Variants in ADAT1 observed in about 807,000 individuals in gnomAD.
ADAT1 encodes the protein adenosine deaminase tRNA specific 1, also known as tRNA-specific adenosine deaminase 1.
Under a neutral mutation model 58.6 loss-of-function variants are expected in ADAT1, and 58 were observed. The observed-to-expected ratio is 0.99, with a 90% CI of 0.80 to 1.23. ADAT1 has a LOEUF of 1.23. Ranked by LOEUF, ADAT1 falls within the 50% of genes most tolerant of loss-of-function variation. The pLI, the probability that ADAT1 is intolerant of heterozygous loss-of-function variation, is 0.00. For missense variants in ADAT1, 741 were observed against 608.6 expected (o/e 1.22, Z -2.29); for synonymous variants, 254 against 220.8 (o/e 1.15, Z -1.33).
chr16:75,613,652 C>A (rs994695396), intron 5 of ADAT1, among the ~76,000 whole-genome samples: 2 of 152,134 alleles, frequency 1.3e-5, no homozygotes, highest in African/African-American at 4.8e-5. Flanking sequence ...GCTGTGGCGG[C>A]TGTCCTGTAC....
At chr16:75,601,536 C>G (rs1220327806) in intron 9 of ADAT1, among the ~76,000 whole-genome samples, 1 of 151,964 alleles carries the variant, frequency 6.6e-6, no homozygotes, top group Non-Finnish European at 1.5e-5. Context: ...GCAGGTGGAT[C>G]GCCCGAGGTC....
At chr16:75,603,667 A>C (rs1469467171) in intron 8 of ADAT1, among the ~76,000 whole-genome samples, 1 of 152,120 alleles carries the variant, frequency 6.6e-6, no homozygotes, top group Admixed American at 6.6e-5. Flanking sequence ...CTAAACAACA[A>C]AATTCTGGGT....
At chr16:75,602,742 A>G (rs977915268) in intron 9 of ADAT1, among the ~76,000 whole-genome samples, 16 of 152,212 alleles carry the variant, frequency 1.1e-4, no homozygotes, top group African/African-American at 3.9e-4. Context: ...TTCAAAAGGA[A>G]AAGAGGAGTA....
At chr16:75,604,454 AAAATATATAT>A (rs1422346015) in intron 8 of ADAT1, among the ~76,000 whole-genome samples, 12 of 71,334 alleles carry the variant, frequency 1.7e-4, no homozygotes, top group South Asian at 6.5e-4. Context: ...AAAAAAAAAA[AAAATATATAT>A]ATATATATAT....
rs1287502147 is a variant in ADAT1 at position 75,622,801 on chromosome 16, A to C, written c.-420T>G. 1 of 152,210 alleles carries C rather than the reference A, an allele frequency of 6.6e-6. No individual in the cohort carries two copies. The highest frequency in any genetic ancestry group is 2.4e-5 in the African/African-American group (1 of 41,458). 9.4% of individuals were successfully genotyped at this position (152,210 alleles called of 1,614,324 possible). On this transcript the variant is annotated 5_prime_UTR_variant, in exon 1 of 10. Transcript: ENST00000564657. ...AGCTAAAAAAACTGACGTCCTTTCC[A>C]AAGAAAAGGAAGTCGGCTGCCAGGG...
intron 8 of ADAT1, 32 bp downstream of exon 8, chr16:75,608,191 GC>G (rs1454149160): frequency 6.4e-7 from 1 of 1,565,080 alleles, no homozygotes; most frequent in African/African-American, 1.4e-5. Flanking sequence ...TGAGTTCACA[GC>G]CACCATCTCC....
Position 75,608,956 on chromosome 16 carries a change from A to G in ADAT1, c.1076T>C (p.Phe359Ser), listed in dbSNP as rs373606939. 9.3e-6 allele frequency: 15 copies of G among 1,614,094 alleles called. No individual in the cohort carries two copies. The highest frequency in any genetic ancestry group is 1.3e-5 in the Non-Finnish European group (15 of 1,180,044). The change falls in exon 7 of 10, where the codon TTC (phenylalanine) becomes TCC (serine). Residue 359 changes from phenylalanine to serine, a missense_variant. Phe to Ser is a radical substitution (Grantham distance 155). Coordinates refer to ENST00000564657, the MANE Select transcript of ADAT1 (RefSeq NM_001324445.2). ...CAGTATTTTTAATTCTTGAACTCCG[A>G]AGCCTTTTGGTAAAGCAGACACATT... ...CQNVSALPKG[F>S]GVQELKILQS...
intron 8 of ADAT1, among the ~76,000 whole-genome samples, chr16:75,607,559 C>T (rs924503118): frequency 1.3e-5 from 2 of 148,922 alleles, no homozygotes; most frequent in Admixed American, 6.7e-5. Flanking sequence ...AGAATGACTA[C>T]AATAAAAAAG....
chr16:75,602,988 T>C, intron 9 of ADAT1, 97 bp downstream of exon 9: 2 of 1,107,408 alleles, frequency 1.8e-6, no homozygotes, highest in Non-Finnish European at 2.7e-6. Flanking sequence ...ACTGGCTTGC[T>C]GAACCACCAC....
In ADAT1 at chr16:75,618,642, T is replaced by C. The variant is rs750506421; in HGVS notation, c.239-2A>G. On this transcript the variant is annotated splice_acceptor_variant, in intron 3 of 9. Coordinates refer to ENST00000564657, the MANE Select transcript of ADAT1 (RefSeq NM_001324445.2). LOFTEE classifies it high-confidence loss of function. ...CATGGCTATCATTGAGGATGTCTCCTGCGGCAAAGATAGGACACCAGGTGA... is the reference window on the plus strand; with the variant it reads ...CATGGCTATCATTGAGGATGTCTCCCGCGGCAAAGATAGGACACCAGGTGA... 2.5e-6 allele frequency: 4 copies of C among 1,612,906 alleles called. No homozygotes were observed. The South Asian group carries it at 4.4e-5, about 18-fold the overall frequency.
At chr16:75,617,363 G>A (rs2081768141) in intron 4 of ADAT1, 91 bp from the exon 5 acceptor site, 1 of 1,391,970 alleles carries the variant, frequency 7.2e-7, no homozygotes, top group Non-Finnish European at 9.9e-7. Flanking sequence ...ACAGCTTACT[G>A]TAGACTAATG....
chr16:75,621,816 T>C (rs535322076), intron 1 of ADAT1, among the ~76,000 whole-genome samples: 2 of 151,104 alleles, frequency 1.3e-5, no homozygotes, highest in African/African-American at 4.9e-5. Context: ...ACTAGGCACA[T>C]CCTGATCTCA....
At chr16:75,614,201 A>G (rs2081636477) in intron 5 of ADAT1, among the ~76,000 whole-genome samples, 1 of 152,012 alleles carries the variant, frequency 6.6e-6, no homozygotes, top group Non-Finnish European at 1.5e-5. Flanking sequence ...AAAAAAAAGG[A>G]AAAGAAATTT....
In ADAT1 at chr16:75,609,453, T is replaced by C. The variant is rs1475885695; in HGVS notation, c.1044-465A>G. 4.6e-5 allele frequency among the ~76,000 whole-genome samples: 7 copies of C among 151,900 alleles called. No individual in the cohort carries two copies. In the East Asian group the frequency reaches 1.2e-3, roughly 25 times the overall value. On this transcript the variant is annotated intron_variant, in intron 6 of 9. Coordinates refer to ENST00000564657, the MANE Select transcript of ADAT1 (RefSeq NM_001324445.2). ...CAGATAGCAACTGCAAGTACCAGAA[T>C]AGGAAAAACAGAAAACATCCCAGGC...
chr16:75,612,500 C>T lies in ADAT1; in HGVS notation c.786G>A (p.Lys262=). 1 of 1,614,228 alleles carries T rather than the reference C, an allele frequency of 6.2e-7. No individual in the cohort carries two copies. The highest frequency in any genetic ancestry group is 8.5e-7 in the Non-Finnish European group (1 of 1,180,046). ...KVIDVYRTGA[K]CVPGEAGDSG... ...AGTCTCCAGCTTCTCCAGGTACACA[C>T]TTGGCTCCAGTTCTATAAACGTCTA... Residue 262 remains lysine, a synonymous_variant, in exon 6 of 10, where the codon AAG becomes AAA. Transcript: ENST00000564657.
At chr16:75,604,516 C>CACACACACAT (rs2081320490) in intron 8 of ADAT1, among the ~76,000 whole-genome samples, 1 of 120,692 alleles carries the variant, frequency 8.3e-6, no homozygotes, top group Non-Finnish European at 1.6e-5. Flanking sequence ...CACACACACA[C>CACACACACAT]ACATATATAC....
intron 4 of ADAT1, among the ~76,000 whole-genome samples, chr16:75,617,829 T>G (rs1045707678): frequency 2.0e-5 from 3 of 150,770 alleles, no homozygotes. Context: ...CTCATGCCTG[T>G]AAATCCGGCA....
At chr16:75,606,943 A>G (rs2081386684) in intron 8 of ADAT1, among the ~76,000 whole-genome samples, 1 of 152,162 alleles carries the variant, frequency 6.6e-6, no homozygotes, top group Non-Finnish European at 1.5e-5. Flanking sequence ...ACTACCAGTT[A>G]TAGGCAGCAC....
rs574279384 is a variant in ADAT1 at position 75,600,029 on chromosome 16, G to A, written c.*187C>T. ...AGGTCATTAGTGAGATGCCATTTTA[G>A]CAGAGAGCTACTTCAATCAAGTATA... On this transcript the variant is annotated 3_prime_UTR_variant, in exon 10 of 10. Coordinates refer to ENST00000564657, the MANE Select transcript of ADAT1 (RefSeq NM_001324445.2). 5 of 1,403,836 alleles carry A rather than the reference G, an allele frequency of 3.6e-6. No individual in the cohort carries two copies. In the East Asian group the frequency reaches 1.3e-4, roughly 35 times the overall value. The allele number at this position is 1,403,836 out of a possible 1,614,324, so 87.0% of individuals were successfully genotyped here.
Sources: gnomAD v4.1 joint callset for allele counts (sites outside exome capture counted in the v4.1 genomes callset) on GRCh38, gnomAD v4.1.1 for gene constraint, MANE v1.5 for transcripts, NCBI Gene and HGNC (gene_info 2026-07-23, HGNC 2026-07-21) for gene names.